CFAP54: variants seen among roughly 807,000 people sequenced by gnomAD.
CFAP54 encodes the protein cilia and flagella associated protein 54, also known as cilia- and flagella-associated protein 54.
CFAP54 carries 290 observed loss-of-function variants against 370.4 expected under a neutral mutation model. The observed-to-expected ratio is 0.78, with a 90% CI of 0.71 to 0.86. The LOEUF is 0.86. Ranked by LOEUF, CFAP54 falls within the 40% of genes least tolerant of loss-of-function variation. The pLI is 0.00. For missense variants in CFAP54, 3,399 were observed against 3,528.7 expected (o/e 0.96, Z 0.93); for synonymous variants, 1,206 against 1,236.5 (o/e 0.98, Z 0.52).
At chr12:96,729,250 G>C (rs1396700660) in intron 50 of CFAP54, among the ~76,000 whole-genome samples, 1 of 152,170 alleles carries the variant, frequency 6.6e-6, no homozygotes, top group Non-Finnish European at 1.5e-5. Flanking sequence ...GGTTACTGCT[G>C]TCTTTTTGTT....
intron 45 of CFAP54, among the ~76,000 whole-genome samples, chr12:96,696,234 G>T (rs1957439001): frequency 6.6e-6 from 1 of 152,154 alleles, no homozygotes; most frequent in African/African-American, 2.4e-5. Context: ...GATAACATGA[G>T]TATACCAGAG....
At chr12:96,849,677 C>T (rs1959478475) in intron 66 of CFAP54, among the ~76,000 whole-genome samples, 1 of 152,178 alleles carries the variant, frequency 6.6e-6, no homozygotes, top group Non-Finnish European at 1.5e-5. Flanking sequence ...ACCTTTAACT[C>T]TGTAATGGCT....
chr12:96,657,255 G>T (rs900718603), intron 36 of CFAP54, among the ~76,000 whole-genome samples: 3 of 152,186 alleles, frequency 2.0e-5, no homozygotes, highest in Admixed American at 2.0e-4. Flanking sequence ...CATAGGACAT[G>T]CACACTATTG....
chr12:96,610,629 G>A (rs546839974), intron 26 of CFAP54, among the ~76,000 whole-genome samples: 3 of 152,270 alleles, frequency 2.0e-5, no homozygotes, highest in African/African-American at 4.8e-5. Context: ...AGGGAATTCC[G>A]TTTCCTAGCC....
intron 25 of CFAP54, among the ~76,000 whole-genome samples, chr12:96,595,477 A>C (rs1255903929): frequency 6.6e-6 from 1 of 152,202 alleles, no homozygotes; most frequent in East Asian, 1.9e-4. Flanking sequence ...TGTCATTGTC[A>C]GCATCATGAT....
At chr12:96,615,056 C>G (rs1956400462) in intron 26 of CFAP54, among the ~76,000 whole-genome samples, 1 of 152,198 alleles carries the variant, frequency 6.6e-6, no homozygotes, top group Admixed American at 6.5e-5. Context: ...ATTGCCAAGA[C>G]AATCCTAAGC....
At chr12:96,699,548 G>GTC (rs1194452469) in intron 45 of CFAP54, among the ~76,000 whole-genome samples, 1 of 152,144 alleles carries the variant, frequency 6.6e-6, no homozygotes, top group Non-Finnish European at 1.5e-5. Context: ...TGTGGAGTTA[G>GTC]TCTCCCAGTT....
chr12:96,750,618 C>T (rs1435633433), intron 55 of CFAP54, among the ~76,000 whole-genome samples: 1 of 152,128 alleles, frequency 6.6e-6, no homozygotes, highest in African/African-American at 2.4e-5. Context: ...ACAGTTTCTT[C>T]AATTATCAGG....
chr12:96,721,899 T>C (rs1957758277), intron 50 of CFAP54, among the ~76,000 whole-genome samples: 1 of 151,336 alleles, frequency 6.6e-6, no homozygotes, highest in South Asian at 2.1e-4. Context: ...ATATAAGGAG[T>C]AGAGGTTGGA....
chr12:96,570,848 G>T (rs914180132), intron 19 of CFAP54, among the ~76,000 whole-genome samples: 6 of 151,790 alleles, frequency 4.0e-5, no homozygotes, highest in African/African-American at 7.3e-5. Context: ...ACTACTTTTT[G>T]GTGCTTTATA....
At chr12:96,572,366 A>G (rs1955929724) in intron 19 of CFAP54, among the ~76,000 whole-genome samples, 1 of 152,144 alleles carries the variant, frequency 6.6e-6, no homozygotes, top group Non-Finnish European at 1.5e-5. Context: ...AGAGGACGTG[A>G]GATGCTCCAG....
chr12:96,710,371 G>A (rs1957597255), intron 48 of CFAP54, among the ~76,000 whole-genome samples: 1 of 152,172 alleles, frequency 6.6e-6, no homozygotes, highest in Non-Finnish European at 1.5e-5. Flanking sequence ...TATGCAAATG[G>A]ATGGGTAAAG....
intron 39 of CFAP54, among the ~76,000 whole-genome samples, chr12:96,664,622 A>ATG (rs55839375): frequency 0.26 from 29,769 of 113,934 alleles, 3,884 homozygotes; most frequent in East Asian, 0.48. Flanking sequence ...CCAAGAACGT[A>ATG]TGTGTGTGTG....
At chr12:96,836,046 G>C (rs1382437746) in intron 66 of CFAP54, among the ~76,000 whole-genome samples, 1 of 152,226 alleles carries the variant, frequency 6.6e-6, no homozygotes, top group Non-Finnish European at 1.5e-5. Flanking sequence ...CACAGCACAA[G>C]TAGGATAGTT....
intron 67 of CFAP54, among the ~76,000 whole-genome samples, chr12:96,866,161 TAACA>T (rs1174184947): frequency 6.6e-6 from 1 of 152,114 alleles, no homozygotes; most frequent in African/African-American, 2.4e-5. Context: ...TTCTCTTTAC[TAACA>T]CTCATTTTCT....
chr12:96,664,712 T>G (rs1473821992), intron 39 of CFAP54, among the ~76,000 whole-genome samples: 5,563 of 16,462 alleles, frequency 0.34, 441 homozygotes, highest in African/African-American at 0.45. Flanking sequence ...TATATATATA[T>G]ATCTATATAT....
At chr12:96,708,868 C>T in intron 48 of CFAP54, 65 bp downstream of exon 48, 1 of 1,260,450 alleles carries the variant, frequency 7.9e-7, no homozygotes, top group Non-Finnish European at 1.1e-6. Flanking sequence ...CTCCCAGCCC[C>T]CACTAATCTA....
chr12:96,786,041 G>A (rs1958625393), intron 61 of CFAP54, among the ~76,000 whole-genome samples: 1 of 152,034 alleles, frequency 6.6e-6, no homozygotes, highest in Non-Finnish European at 1.5e-5. Context: ...TGTGCTTCTT[G>A]AAATGACTTT....
chr12:96,743,161 A>G (rs1958071332), intron 52 of CFAP54, among the ~76,000 whole-genome samples: 1 of 152,180 alleles, frequency 6.6e-6, no homozygotes, highest in Non-Finnish European at 1.5e-5. Context: ...TCCATCTTCC[A>G]AATTAAATTA....
Sources: gnomAD v4.1 joint callset for allele counts (sites outside exome capture counted in the v4.1 genomes callset) on GRCh38, gnomAD v4.1.1 for gene constraint, MANE v1.5 for transcripts, NCBI Gene and HGNC (gene_info 2026-07-23, HGNC 2026-07-21) for gene names.